The following GRM8 variants were observed in gnomAD, a reference collection of about 807,000 sequenced individuals.
GRM8 encodes glutamate metabotropic receptor 8, also known as metabotropic glutamate receptor 8.
GRM8 carries 47 observed loss-of-function variants against 87.2 expected under a neutral mutation model. The observed-to-expected ratio is 0.54, with a 90% CI of 0.43 to 0.69. GRM8 has a LOEUF of 0.69. Ranked by LOEUF, GRM8 falls within the 30% of genes least tolerant of loss-of-function variation. The pLI is 0.00. For synonymous variants in GRM8, 396 were observed against 404.5 expected (o/e 0.98, Z 0.25); for missense variants, 1,019 against 1,139.2 (o/e 0.89, Z 1.52).
chr7:127,114,228 G>A (rs936546216), intron 2 of GRM8, among the ~76,000 whole-genome samples: 1 of 152,152 alleles, frequency 6.6e-6, no homozygotes, highest in African/African-American at 2.4e-5. Context: ...AGTTCCCATA[G>A]TTGATTCAGA....
intron 7 of GRM8, among the ~76,000 whole-genome samples, chr7:126,689,171 C>G (rs917758772): frequency 1.1e-4 from 17 of 152,112 alleles, no homozygotes; most frequent in Admixed American, 4.6e-4. Flanking sequence ...TGGCTTACCT[C>G]TCTGTGGGAG....
At chr7:126,510,405 C>A (rs1811159093) in intron 9 of GRM8, among the ~76,000 whole-genome samples, 2 of 151,770 alleles carry the variant, frequency 1.3e-5, no homozygotes, top group African/African-American at 4.8e-5. Flanking sequence ...TAATCTAGTT[C>A]CCTGAGAGAA....
chr7:126,782,853 T>C (rs1820229067), intron 6 of GRM8, among the ~76,000 whole-genome samples: 1 of 152,114 alleles, frequency 6.6e-6, no homozygotes. Flanking sequence ...GTCTTTCACT[T>C]TTCTTCCCAA....
rs180932520 is a variant in GRM8, at chr7:126,774,573, A to G, written c.1157-4508T>C. 2.0e-5 allele frequency among the ~76,000 whole-genome samples: 3 copies of G among 152,274 alleles called. No individual in the cohort carries two copies. In the East Asian group the frequency reaches 5.8e-4, roughly 29 times the overall value. ...CTAAATTTTATGGGAAGATTGTTTT[A>G]CATCTTCATTAATGAAATCTAAATC... On this transcript the variant is annotated intron_variant, in intron 6 of 10. Transcript: ENST00000339582.
At chr7:127,168,872 CA>C (rs370419086) in intron 2 of GRM8, among the ~76,000 whole-genome samples, 19 of 150,974 alleles carry the variant, frequency 1.3e-4, no homozygotes, top group African/African-American at 4.6e-4. Context: ...GCTGAGGGGC[CA>C]GGGGAGGGAT....
chr7:126,879,611 C>T (rs532356541), intron 6 of GRM8, among the ~76,000 whole-genome samples: 3 of 150,812 alleles, frequency 2.0e-5, no homozygotes, highest in East Asian at 4.2e-4. Context: ...AAGGCAAAGC[C>T]GTACATCACC....
At chr7:126,945,002 ATCCTTC>A (rs1405033071) in intron 3 of GRM8, among the ~76,000 whole-genome samples, 1 of 152,164 alleles carries the variant, frequency 6.6e-6, no homozygotes, top group Non-Finnish European at 1.5e-5. Flanking sequence ...AAGCTTTTAT[ATCCTTC>A]TGGTGGGTGA....
chr7:127,037,599 A>G (rs542111752), intron 3 of GRM8, among the ~76,000 whole-genome samples: 1 of 152,316 alleles, frequency 6.6e-6, no homozygotes, highest in African/African-American at 2.4e-5. Flanking sequence ...CCATCAGCCC[A>G]GGCTGCAAAC....
intron 7 of GRM8, among the ~76,000 whole-genome samples, chr7:126,768,564 AG>A (rs1818462140): frequency 6.6e-6 from 1 of 151,974 alleles, no homozygotes; most frequent in African/African-American, 2.4e-5. Flanking sequence ...AAGACAAATT[AG>A]TAATTTGCCT....
chr7:127,172,185 C>A (rs1463488182), intron 2 of GRM8, among the ~76,000 whole-genome samples: 2 of 151,920 alleles, frequency 1.3e-5, no homozygotes, highest in Non-Finnish European at 2.9e-5. Context: ...TTAATAATAT[C>A]TTTAAAATTG....
intron 10 of GRM8, chr7:126,445,281 G>A (rs1473054510): frequency 6.6e-6 from 1 of 151,974 alleles, no homozygotes; most frequent in Non-Finnish European, 1.5e-5. Context: ...ACCTAGTAAG[G>A]TAAAGGTTGT....
intron 7 of GRM8, among the ~76,000 whole-genome samples, chr7:126,626,788 G>C (rs959158585): frequency 2.6e-5 from 4 of 152,162 alleles, no homozygotes; most frequent in Non-Finnish European, 4.4e-5. Context: ...GGGAGGCTCA[G>C]GCAGGAGGAT....
At chr7:126,749,233 T>G (rs750725630) in intron 7 of GRM8, among the ~76,000 whole-genome samples, 3 of 152,126 alleles carry the variant, frequency 2.0e-5, no homozygotes, top group Admixed American at 6.6e-5. Flanking sequence ...GCCAAGATCA[T>G]GCCACTGCAC....
In GRM8 at chr7:127,242,916, T is replaced by G; in HGVS notation, c.289A>C (p.Thr97Pro). 6.2e-7 allele frequency: 1 copy of G among 1,613,828 alleles called. No individual in the cohort carries two copies. Among genetic ancestry groups the G allele is most frequent in the East Asian group, 2.2e-5 (1 of 44,864 alleles). The change falls in exon 2 of 11, where the codon ACT (threonine) becomes CCT (proline). Residue 97 changes from threonine to proline, a missense_variant. By Grantham distance (38) the Thr-to-Pro change is conservative. Coordinates refer to ENST00000339582, the MANE Select transcript of GRM8 (RefSeq NM_000845.3). ...GTGTCGAGGATGCGGACACCCAGAG[T>G]GATGTTGGAAAGGAGATCAGGGTCC... ...NKDPDLLSNI[T>P]LGVRILDTCS... is the part of the protein sequence containing the mutation.
chr7:127,118,195 C>T (rs1361955), intron 2 of GRM8: 7 of 152,062 alleles, frequency 4.6e-5, no homozygotes, highest in Non-Finnish European at 1.5e-5. Context: ...TGAGGTTAAA[C>T]GTCTTCATTC....
At chr7:127,182,295 A>G (rs960933741) in intron 2 of GRM8, among the ~76,000 whole-genome samples, 4 of 152,140 alleles carry the variant, frequency 2.6e-5, no homozygotes, top group Non-Finnish European at 5.9e-5. Context: ...CCACAATGTG[A>G]TATCATCTTA....
intron 8 of GRM8, among the ~76,000 whole-genome samples, chr7:126,599,183 AC>A (rs1797494308): frequency 1.3e-5 from 2 of 152,124 alleles, no homozygotes; most frequent in Admixed American, 6.6e-5. Context: ...AATAGTAACA[AC>A]GTGCCCCACA....
intron 3 of GRM8, among the ~76,000 whole-genome samples, chr7:127,034,174 G>C (rs143441087): frequency 1.0e-3 from 156 of 152,172 alleles, no homozygotes; most frequent in Non-Finnish European, 1.7e-3. Flanking sequence ...TTTAATTTAG[G>C]AGTTGCAAAC....
intron 6 of GRM8, among the ~76,000 whole-genome samples, chr7:126,847,572 CT>C (rs1309717104): frequency 1.3e-5 from 2 of 152,082 alleles, no homozygotes; most frequent in Non-Finnish European, 1.5e-5. Context: ...TTGGGGATCC[CT>C]AGACATCTCT....
Sources: gnomAD v4.1 joint callset for allele counts (sites outside exome capture counted in the v4.1 genomes callset) on GRCh38, gnomAD v4.1.1 for gene constraint, MANE v1.5 for transcripts, NCBI Gene and HGNC (gene_info 2026-07-23, HGNC 2026-07-21) for gene names.